The following R3HDM1 variants were observed in gnomAD, a reference collection of about 807,000 sequenced individuals.
R3HDM1 encodes the protein R3H domain-containing protein 1.
R3HDM1 carries 46 observed loss-of-function variants against 141.1 expected under a neutral mutation model. The ratio of observed to expected loss-of-function variants is 0.33; its 90% CI spans 0.26 to 0.42. The LOEUF (loss-of-function observed/expected upper bound fraction) is 0.42, where lower values mean the gene tolerates loss of function less well. Ranked by LOEUF, R3HDM1 falls within the 10% of genes least tolerant of loss-of-function variation. The pLI is 1.00. For missense variants in R3HDM1, 1,184 were observed against 1,368.3 expected (o/e 0.87, Z 2.12); for synonymous variants, 435 against 472.9 (o/e 0.92, Z 1.04).
intron 19 of R3HDM1, among the ~76,000 whole-genome samples, chr2:135,673,293 T>G (rs2068675773): frequency 6.6e-6 from 1 of 152,128 alleles, no homozygotes; most frequent in South Asian, 2.1e-4. Flanking sequence ...CATAAGAAGT[T>G]ATTATTCCAG....
intron 1 of R3HDM1, among the ~76,000 whole-genome samples, chr2:135,588,743 T>C (rs1708527037): frequency 6.6e-6 from 1 of 152,148 alleles, no homozygotes; most frequent in African/African-American, 2.4e-5. Context: ...TTAAGATTTA[T>C]AGAAAGCAAT....
chr2:135,532,182 C>T (rs1694999708), intron 1 of R3HDM1, among the ~76,000 whole-genome samples: 2 of 152,200 alleles, frequency 1.3e-5, no homozygotes, highest in African/African-American at 4.8e-5. Context: ...TTTTCAGCTT[C>T]GACCGGTTGG....
Position 135,722,526 on chromosome 2 carries a change from T to C in R3HDM1, c.3022T>C (p.Ser1008Pro), listed in dbSNP as rs768044163. 6.2e-7 allele frequency: 1 copy of C among 1,613,388 alleles called. No individual in the cohort carries two copies. Among genetic ancestry groups the C allele is most frequent in the Non-Finnish European group, 8.5e-7 (1 of 1,179,932 alleles). ...RGRRQAKKAA[S>P]TDLGAGETVV... ...AAGGAGACAAGCTAAAAAAGCTGCA[T>C]CCACAGACCTTGGAGCAGGAGAAAC... is the stretch of plus-strand genomic sequence containing the variant. Residue 1008 changes from serine to proline, a missense_variant, in exon 26 of 27, where the codon TCC (serine) becomes CCC (proline). Ser to Pro is a moderately conservative substitution (Grantham distance 74, BLOSUM62 -1). Around this residue, in one of 5 missense-constraint regions of R3HDM1, gnomAD observed 182 missense variants for 252.6 expected, o/e 0.72. Coordinates refer to ENST00000683871, the MANE Select transcript of R3HDM1 (RefSeq NM_001378107.1).
intron 5 of R3HDM1, among the ~76,000 whole-genome samples, chr2:135,617,462 C>T (rs1183469325): frequency 6.6e-6 from 1 of 151,938 alleles, no homozygotes; most frequent in East Asian, 1.9e-4. Flanking sequence ...GCCAAGACTT[C>T]TTCTTGATAG....
At chr2:135,559,050 A>AGAGT (rs1271973931) in intron 1 of R3HDM1, 10 of 842,340 alleles carry the variant, frequency 1.2e-5, no homozygotes, top group South Asian at 1.3e-4. Context: ...GATTCCACAA[A>AGAGT]GTGTGTGTGT....
chr2:135,645,673 G>A, intron 16 of R3HDM1, 146 bp downstream of exon 16: 1 of 975,458 alleles, frequency 1.0e-6, no homozygotes. Context: ...ACTACTCATA[G>A]GAAAAGAGAT....
chr2:135,655,974 T>C (rs1426631579), intron 18 of R3HDM1, among the ~76,000 whole-genome samples: 1 of 152,228 alleles, frequency 6.6e-6, no homozygotes, highest in African/African-American at 2.4e-5. Context: ...TTTCCAGTCT[T>C]AAATGAGCAT....
chr2:135,659,180 C>A (rs1048826199), intron 18 of R3HDM1, among the ~76,000 whole-genome samples: 9 of 151,968 alleles, frequency 5.9e-5, no homozygotes, highest in Non-Finnish European at 1.3e-4. Context: ...TCACTGAAGC[C>A]TCGACCTCCC....
rs187426456 is a variant in R3HDM1 at position 135,546,902 on chromosome 2, C to T, written c.-250+15269C>T. ...GGTCAGGCTGGTCTCGAACTCCTGA[C>T]ATCAAGTGATCTGCCTGCCTTAGCC... is the stretch of plus-strand genomic sequence containing the variant. On this transcript the variant is annotated intron_variant, in intron 1 of 26. Coordinates refer to ENST00000683871, the MANE Select transcript of R3HDM1 (RefSeq NM_001378107.1). Among the ~76,000 whole-genome samples, 38 of 152,286 alleles carry T rather than the reference C, an allele frequency of 2.5e-4. No homozygotes were observed. The East Asian group carries it at 6.2e-3, about 25-fold the overall frequency.
At chr2:135,704,017 G>A (rs1031556430) in intron 21 of R3HDM1, among the ~76,000 whole-genome samples, 2 of 152,160 alleles carry the variant, frequency 1.3e-5, no homozygotes, top group African/African-American at 4.8e-5. Flanking sequence ...GTCTTGCTCT[G>A]TTGCCCAGGC....
intron 1 of R3HDM1, among the ~76,000 whole-genome samples, chr2:135,532,609 T>C (rs1019505168): frequency 6.6e-6 from 1 of 152,086 alleles, no homozygotes; most frequent in Non-Finnish European, 1.5e-5. Flanking sequence ...TAATTGTAAC[T>C]GTAAGAAACC....
At chr2:135,598,545 A>G (rs1340559110) in intron 1 of R3HDM1, among the ~76,000 whole-genome samples, 1 of 152,188 alleles carries the variant, frequency 6.6e-6, no homozygotes, top group Non-Finnish European at 1.5e-5. Flanking sequence ...TAAGAGCCTG[A>G]AATGGAGCAC....
chr2:135,579,589 G>C (rs1297497993), intron 1 of R3HDM1, among the ~76,000 whole-genome samples: 1 of 143,558 alleles, frequency 7.0e-6, no homozygotes, highest in Non-Finnish European at 1.5e-5. Context: ...GGTAACTATG[G>C]GGTGGCGGGG....
chr2:135,624,286 G>T lies in R3HDM1; in HGVS notation c.497+1554G>T, dbSNP rs182429730. On this transcript the variant is annotated intron_variant, in intron 7 of 26. Transcript: ENST00000683871. ...GGCGGGTGCCTGTAGTCCCAGCTGCGTGGGAGGCTGAGGCAGGGGAATGGT... is the reference window on the plus strand; with the variant it reads ...GGCGGGTGCCTGTAGTCCCAGCTGCTTGGGAGGCTGAGGCAGGGGAATGGT... Among the ~76,000 whole-genome samples, 591 of 151,806 alleles carry T rather than the reference G, an allele frequency of 3.9e-3. 4 individuals carry two copies. The highest frequency in any genetic ancestry group is 5.1e-3 in the Non-Finnish European group (348 of 67,892).
chr2:135,680,065 G>A (rs2069969372), intron 20 of R3HDM1, 108 bp from the exon 21 acceptor site: 3 of 1,162,700 alleles, frequency 2.6e-6, no homozygotes, highest in Admixed American at 2.2e-5. Context: ...GGGCAACAGA[G>A]CAAGAATTCA....
chr2:135,605,036 T>G lies in R3HDM1; in HGVS notation c.171+20T>G. On this transcript the variant is annotated intron_variant, in intron 3 of 26. Coordinates refer to ENST00000683871, the MANE Select transcript of R3HDM1 (RefSeq NM_001378107.1). Reference sequence around the variant, plus strand: ...TTGCAGGTAAACAGGAATTTTTCTCTGGCTACAAATACTAAATATTCAGTA... The same window carrying G: ...TTGCAGGTAAACAGGAATTTTTCTCGGGCTACAAATACTAAATATTCAGTA... The G allele has an allele frequency of 4.7e-6, 7 of 1,502,928 alleles. No homozygotes were observed. The highest frequency in any genetic ancestry group is 6.4e-6 in the Non-Finnish European group (7 of 1,090,892). The allele number at this position is 1,502,928 out of a possible 1,614,324, so 93.1% of individuals were successfully genotyped here.
intron 9 of R3HDM1, among the ~76,000 whole-genome samples, chr2:135,633,153 T>C (rs764532995): frequency 4.6e-5 from 7 of 152,206 alleles, no homozygotes; most frequent in Non-Finnish European, 1.0e-4. Flanking sequence ...GTGAGTCTGA[T>C]TTAGTTTTCA....
At chr2:135,650,067 A>T in intron 17 of R3HDM1, 64 bp downstream of exon 17, 1 of 1,120,122 alleles carries the variant, frequency 8.9e-7, no homozygotes, top group South Asian at 2.2e-5. Context: ...AATGCTCAAG[A>T]GTGTCATTAA....
At chr2:135,705,711 A>T (rs866719312) in intron 21 of R3HDM1, among the ~76,000 whole-genome samples, 2 of 152,104 alleles carry the variant, frequency 1.3e-5, no homozygotes, top group South Asian at 4.1e-4. Context: ...TATATTTGTC[A>T]TTTTTTTTAT....
Sources: gnomAD v4.1 joint callset for allele counts (sites outside exome capture counted in the v4.1 genomes callset) on GRCh38, gnomAD v4.1.1 for gene constraint, gnomAD v4.1.1 regional missense constraint, MANE v1.5 for transcripts, NCBI Gene and HGNC (gene_info 2026-07-23, HGNC 2026-07-21) for gene names.